Variants in PCDH11X observed in about 807,000 individuals in gnomAD.
PCDH11X encodes the protein protocadherin 11 X-linked.
PCDH11X carries 18 observed loss-of-function variants against 53.3 expected under a neutral mutation model. That is an observed-to-expected ratio of 0.34 (90% CI 0.23 to 0.50). The LOEUF is 0.50. Ranked by LOEUF, PCDH11X falls within the 20% of genes least tolerant of loss-of-function variation. The pLI, the probability that PCDH11X is intolerant of heterozygous loss-of-function variation, is 0.98. For missense variants in PCDH11X, 570 were observed against 1,032.4 expected (o/e 0.55, Z 6.14); for synonymous variants, 279 against 393.3 (o/e 0.71, Z 3.44).
At chrX:92,267,853 A>C (rs1011737756) in intron 8 of PCDH11X, among the ~76,000 whole-genome samples, 12 of 112,233 alleles carry the variant, frequency 1.1e-4, no homozygotes, top group Admixed American at 9.4e-4. Flanking sequence ...ACATGGTGGA[A>C]GGCATCACAT....
chrX:91,916,817 G>A (rs1467993022), intron 6 of PCDH11X, among the ~76,000 whole-genome samples: 1 of 110,840 alleles, frequency 9.0e-6, no homozygotes, highest in Admixed American at 9.6e-5. Context: ...ATCATTCTAT[G>A]AAGTGTCACC....
chrX:91,906,547 C>G (rs1941160648), intron 6 of PCDH11X, among the ~76,000 whole-genome samples: 1 of 111,081 alleles, frequency 9.0e-6, no homozygotes, highest in South Asian at 3.8e-4. Flanking sequence ...GCCTAGCTAT[C>G]TTTGTTGTCA....
chrX:91,857,240 C>T (rs1173772004), intron 5 of PCDH11X, among the ~76,000 whole-genome samples: 2 of 110,861 alleles, frequency 1.8e-5, no homozygotes, highest in East Asian at 5.7e-4. Flanking sequence ...GACTTATTCA[C>T]TATCACAAGA....
intron 6 of PCDH11X, among the ~76,000 whole-genome samples, chrX:91,880,737 A>G (rs1462802114): frequency 9.1e-6 from 1 of 110,362 alleles, no homozygotes; most frequent in African/African-American, 3.3e-5. Flanking sequence ...TACAGTTTAG[A>G]TGAATCCCAT....
chrX:92,195,245 A>G (rs990771110), intron 6 of PCDH11X, among the ~76,000 whole-genome samples: 1 of 110,206 alleles, frequency 9.1e-6, no homozygotes, highest in African/African-American at 3.3e-5. Context: ...TCCCCCTTCT[A>G]TAACATTCCC....
At chrX:92,015,556 A>G (rs1175789669) in intron 6 of PCDH11X, among the ~76,000 whole-genome samples, 1 of 112,596 alleles carries the variant, frequency 8.9e-6, no homozygotes, top group Non-Finnish European at 1.9e-5. Flanking sequence ...TGTTCACCGC[A>G]TCTTCACCAG....
At chrX:92,280,789 T>A (rs1396215263) in intron 8 of PCDH11X, among the ~76,000 whole-genome samples, 2 of 109,246 alleles carry the variant, frequency 1.8e-5, no homozygotes, top group African/African-American at 6.7e-5. Context: ...ATATATTTTT[T>A]TTAAAAAAAA....
chrX:92,518,518 G>A (rs1210591221), intron 10 of PCDH11X, among the ~76,000 whole-genome samples: 4 of 111,335 alleles, frequency 3.6e-5, no homozygotes, highest in Non-Finnish European at 7.5e-5. Context: ...TCTTTGTAAC[G>A]ATTAAAAGGA....
chrX:92,036,061 ATCTTGAATC>A (rs1162186130), intron 6 of PCDH11X, among the ~76,000 whole-genome samples: 1 of 64,669 alleles, frequency 1.5e-5, no homozygotes, highest in Non-Finnish European at 2.8e-5. Context: ...ACTCTGTGCT[ATCTTGAATC>A]TCTTTGAGTT....
At chrX:92,118,731 CTTTTTTTTTT>C (rs199880924) in intron 6 of PCDH11X, among the ~76,000 whole-genome samples, 6 of 45,646 alleles carry the variant, frequency 1.3e-4, no homozygotes, top group African/African-American at 1.9e-4. Context: ...ATAATGCAGT[CTTTTTTTTTT>C]TTTTTTTTTT....
chrX:92,621,752 A>G lies in PCDH11X; in HGVS notation c.*2812A>G, dbSNP rs1321434667. 1 of 111,872 alleles carries G rather than the reference A, an allele frequency of 8.9e-6. No homozygotes were observed. Among genetic ancestry groups the G allele is most frequent in the Non-Finnish European group, 1.9e-5 (1 of 53,244 alleles). The allele number at this position is 111,872 out of a possible 1,213,427, so 9.2% of individuals were successfully genotyped here. A position where few individuals can be genotyped will look rare whatever the true frequency, so the allele number is the denominator to read the frequency against. Reference sequence around the variant, plus strand: ...TGTGATGTATGATGTATGTAGTCCTACAACTGCAAAACGTCTTACTGAACC... The same window carrying G: ...TGTGATGTATGATGTATGTAGTCCTGCAACTGCAAAACGTCTTACTGAACC... On this transcript the variant is annotated 3_prime_UTR_variant, in exon 11 of 11. Transcript: ENST00000682573.
rs1437371927 is a variant in PCDH11X, at chrX:92,296,594, C to T, written c.3144+33451C>T. 6.3e-5 allele frequency among the ~76,000 whole-genome samples: 7 copies of T among 111,449 alleles called. No homozygotes were observed. The East Asian group carries it at 2.0e-3, about 32-fold the overall frequency. ...GACATGATCTTGTTCTTTTTTATGGCTGCATAGTATTCCATGATACCTATG... is the reference window on the plus strand; with the variant it reads ...GACATGATCTTGTTCTTTTTTATGGTTGCATAGTATTCCATGATACCTATG... On this transcript the variant is annotated intron_variant, in intron 8 of 10. Coordinates refer to ENST00000682573, the MANE Select transcript of PCDH11X (RefSeq NM_032968.5).
intron 8 of PCDH11X, among the ~76,000 whole-genome samples, chrX:92,282,018 A>G (rs144329189): frequency 0.03 from 3,345 of 110,761 alleles, 146 homozygotes; most frequent in East Asian, 0.23. Flanking sequence ...TATGAGGAAA[A>G]TGAAGAAGAT....
chrX:91,887,101 C>A (rs1940263109), intron 6 of PCDH11X, among the ~76,000 whole-genome samples: 1 of 109,008 alleles, frequency 9.2e-6, no homozygotes, highest in African/African-American at 3.3e-5. Context: ...CTAACTGCAT[C>A]ATTTTGCTGT....
intron 7 of PCDH11X, among the ~76,000 whole-genome samples, chrX:92,255,263 A>C (rs2067547558): frequency 9.6e-6 from 1 of 104,624 alleles, no homozygotes; most frequent in Non-Finnish European, 2.0e-5. Flanking sequence ...TTCTTCACGT[A>C]GTTCTCGAGC....
At chrX:92,427,707 T>TA (rs1204650979) in intron 9 of PCDH11X, among the ~76,000 whole-genome samples, 1 of 53,314 alleles carries the variant, frequency 1.9e-5, no homozygotes, top group Admixed American at 2.6e-4. Context: ...TGGAAAATAT[T>TA]TTTCTGAAAA....
chrX:92,221,595 A>G (rs1379719607), intron 7 of PCDH11X, among the ~76,000 whole-genome samples: 2 of 111,806 alleles, frequency 1.8e-5, no homozygotes, highest in Non-Finnish European at 3.8e-5. Flanking sequence ...ACTTTGACTA[A>G]TCTAGAACTA....
chrX:92,242,737 A>T (rs891926783), intron 7 of PCDH11X, among the ~76,000 whole-genome samples: 25 of 111,309 alleles, frequency 2.2e-4, no homozygotes, highest in African/African-American at 8.2e-4. Context: ...TGTATGCTTG[A>T]TTCATTTCTC....
intron 4 of PCDH11X, among the ~76,000 whole-genome samples, chrX:91,817,322 T>A (rs1209204678): frequency 9.9e-6 from 1 of 101,440 alleles, no homozygotes; most frequent in African/African-American, 3.6e-5. Context: ...TACCAATATC[T>A]TAAAAATATT....
Sources: gnomAD v4.1 joint callset for allele counts (sites outside exome capture counted in the v4.1 genomes callset) on GRCh38, gnomAD v4.1.1 for gene constraint, MANE v1.5 for transcripts, NCBI Gene and HGNC (gene_info 2026-07-23, HGNC 2026-07-21) for gene names.